Variants in CYP19A1 observed in about 807,000 individuals in gnomAD.
CYP19A1 encodes the protein aromatase.
In CYP19A1, 32 loss-of-function variants were observed where a neutral mutation model predicts 44.4. The ratio of observed to expected loss-of-function variants is 0.72; its 90% CI spans 0.54 to 0.97. CYP19A1 has a LOEUF of 0.97. CYP19A1 is among the 50% of genes least tolerant of loss of function. The pLI is 0.00. For missense variants in CYP19A1, 598 were observed against 637.8 expected (o/e 0.94, Z 0.67); for synonymous variants, 212 against 215.6 (o/e 0.98, Z 0.14).
chr15:51,279,583 TC>T (rs1163729943), intron 1 of CYP19A1, among the ~76,000 whole-genome samples: 2 of 152,118 alleles, frequency 1.3e-5, no homozygotes, highest in Non-Finnish European at 2.9e-5. Context: ...AACACTGACT[TC>T]CCCCAAACCA....
At chr15:51,222,193 G>T in intron 5 of CYP19A1, 156 bp downstream of exon 5, 1 of 1,370,216 alleles carries the variant, frequency 7.3e-7, no homozygotes, top group Non-Finnish European at 9.9e-7. Flanking sequence ...AGTGAACAAA[G>T]CAGAAACACT....
intron 5 of CYP19A1, among the ~76,000 whole-genome samples, chr15:51,220,624 C>T (rs2031989517): frequency 6.6e-6 from 1 of 152,148 alleles, no homozygotes; most frequent in Admixed American, 6.5e-5. Context: ...AATGGATATA[C>T]ATATTTAGGG....
chr15:51,322,976 C>G (rs1348912895), intron 1 of CYP19A1, among the ~76,000 whole-genome samples: 1 of 152,226 alleles, frequency 6.6e-6, no homozygotes, highest in African/African-American at 2.4e-5. Flanking sequence ...TTTCAAGCCT[C>G]AATAATGGCT....
At chr15:51,300,068 C>T (rs1000652810) in intron 1 of CYP19A1, among the ~76,000 whole-genome samples, 7 of 152,202 alleles carry the variant, frequency 4.6e-5, no homozygotes, top group Non-Finnish European at 7.3e-5. Context: ...CAGGACCAAA[C>T]CATTGTCAGT....
chr15:51,234,083 A>T (rs2141097834), intron 3 of CYP19A1, among the ~76,000 whole-genome samples: 2 of 152,336 alleles, frequency 1.3e-5, no homozygotes, highest in African/African-American at 4.8e-5. Context: ...CAAAAGAAAA[A>T]AAAAATCTGG....
At chr15:51,250,398 TG>T (rs1566895274) in intron 1 of CYP19A1, among the ~76,000 whole-genome samples, 3 of 152,220 alleles carry the variant, frequency 2.0e-5, no homozygotes, top group Non-Finnish European at 4.4e-5. Flanking sequence ...CCAGCAAGCC[TG>T]GGACTTGGGA....
chr15:51,318,575 G>A (rs370675926), intron 1 of CYP19A1: 7 of 152,254 alleles, frequency 4.6e-5, no homozygotes, highest in Non-Finnish European at 1.0e-4. Context: ...CTCCTGGAGA[G>A]GGGGCAGGCC....
At position 51,333,379 on chromosome 15, in the gene CYP19A1, A is replaced by C. The variant is rs28757073; in HGVS notation, c.-39+5116T>G. ...GCTCAGGAGTAGAGATAGACTCAGCACACCTGTACAACTCCCTTACCTCAT... is the reference window on the plus strand; with the variant it reads ...GCTCAGGAGTAGAGATAGACTCAGCCCACCTGTACAACTCCCTTACCTCAT... On this transcript the variant is annotated intron_variant, in intron 1 of 9. Transcript: ENST00000396402. Among the ~76,000 whole-genome samples the C allele has an allele frequency of 5.4e-3, 820 of 152,176 alleles. 6 individuals carry two copies. The highest frequency in any genetic ancestry group is 0.019 in the African/African-American group (784 of 41,486).
rs556164904 is a variant in CYP19A1, at chr15:51,245,812, C to T, written c.-38-2862G>A. On this transcript the variant is annotated intron_variant, in intron 1 of 9. Coordinates refer to ENST00000396402, the MANE Select transcript of CYP19A1 (RefSeq NM_000103.4). ...AAGCCTGAGAGCTAAGTCTAATTAT[C>T]CCCATTTTACAGATGGAGAAACTGA... 1.7e-3 allele frequency among the ~76,000 whole-genome samples: 255 copies of T among 152,218 alleles called. 3 individuals are homozygous for T. The highest frequency in any genetic ancestry group is 2.1e-3 in the Non-Finnish European group (143 of 68,044).
chr15:51,306,350 T>C (rs2036215292), intron 1 of CYP19A1, among the ~76,000 whole-genome samples: 1 of 152,238 alleles, frequency 6.6e-6, no homozygotes, highest in Admixed American at 6.5e-5. Context: ...ATTTGGGTTT[T>C]CTTTCTTCTT....
chr15:51,279,115 C>G (rs998455093), intron 1 of CYP19A1: 2 of 152,244 alleles, frequency 1.3e-5, no homozygotes, highest in African/African-American at 4.8e-5. Context: ...TTCAAGGTCT[C>G]TGTGACTCTG....
In CYP19A1 at chr15:51,290,866, G is replaced by A. The variant is rs1296710043; in HGVS notation, c.-39+47629C>T. ...CTGGCTTTTAAGCAGCTTGGCTGGGGCCCAGTCATTGATCCTCTTGCCTAG... is the reference window on the plus strand; with the variant it reads ...CTGGCTTTTAAGCAGCTTGGCTGGGACCCAGTCATTGATCCTCTTGCCTAG... On this transcript the variant is annotated intron_variant, in intron 1 of 9. Transcript: ENST00000396402. Among the ~76,000 whole-genome samples, 2 of 152,172 alleles carry A rather than the reference G, an allele frequency of 1.3e-5. 1 individual carries two copies. Among genetic ancestry groups the A allele is most frequent in the African/African-American group, 4.8e-5 (2 of 41,450 alleles).
At position 51,260,852 on chromosome 15, in the gene CYP19A1, C is replaced by T. The variant is rs949823601; in HGVS notation, c.-38-17902G>A. On this transcript the variant is annotated intron_variant, in intron 1 of 9. Transcript: ENST00000396402. ...AGGCATTCGAGCCAGGTGTGGGCAACCCTGTTTGGGTCCTCTCTCCTTGTA... is the reference window on the plus strand; with the variant it reads ...AGGCATTCGAGCCAGGTGTGGGCAATCCTGTTTGGGTCCTCTCTCCTTGTA... Among the ~76,000 whole-genome samples the T allele has an allele frequency of 3.9e-5, 6 of 152,176 alleles. No individual in the cohort carries two copies. In the East Asian group the frequency reaches 9.6e-4, roughly 24 times the overall value.
intron 1 of CYP19A1, among the ~76,000 whole-genome samples, chr15:51,267,764 C>T (rs2034978725): frequency 6.6e-6 from 1 of 152,208 alleles, no homozygotes; most frequent in Admixed American, 6.5e-5. Flanking sequence ...AGATTCCAAG[C>T]GGGACCCCTT....
In CYP19A1 at chr15:51,310,474, T is replaced by C. The variant is rs1029103074; in HGVS notation, c.-39+28021A>G. 7.2e-5 allele frequency among the ~76,000 whole-genome samples: 11 copies of C among 152,252 alleles called. No homozygotes were observed. The South Asian group carries it at 1.2e-3, about 17-fold the overall frequency. ...AGGGGCCTCTGCAAGACAAAAAGTG[T>C]GGGGAAAATCTTTGTCTTTTTTTCT... is the stretch of plus-strand genomic sequence containing the variant. On this transcript the variant is annotated intron_variant, in intron 1 of 9. Transcript: ENST00000396402.
intron 1 of CYP19A1, among the ~76,000 whole-genome samples, chr15:51,288,587 A>G (rs758670380): frequency 5.9e-5 from 9 of 151,678 alleles, no homozygotes; most frequent in Non-Finnish European, 1.2e-4. Flanking sequence ...CTACAGAGAA[A>G]CTCTCCTCTC....
chr15:51,297,127 G>A (rs1199938876), intron 1 of CYP19A1, among the ~76,000 whole-genome samples: 1 of 152,172 alleles, frequency 6.6e-6, no homozygotes, highest in Admixed American at 6.5e-5. Flanking sequence ...GAACAGGTTC[G>A]CGCAGCCCTA....
intron 1 of CYP19A1, among the ~76,000 whole-genome samples, chr15:51,265,267 C>T (rs1375465067): frequency 2.6e-5 from 4 of 152,244 alleles, no homozygotes; most frequent in African/African-American, 9.6e-5. Flanking sequence ...TCCCTTCCCT[C>T]TGAGATGTTG....
chr15:51,257,518 G>A (rs1246556288), intron 1 of CYP19A1, among the ~76,000 whole-genome samples: 2 of 152,198 alleles, frequency 1.3e-5, no homozygotes, highest in African/African-American at 2.4e-5. Context: ...AACAGCCCTA[G>A]GAAGGGTGAA....
Sources: gnomAD v4.1 joint callset for allele counts (sites outside exome capture counted in the v4.1 genomes callset) on GRCh38, gnomAD v4.1.1 for gene constraint, MANE v1.5 for transcripts, NCBI Gene and HGNC (gene_info 2026-07-23, HGNC 2026-07-21) for gene names.